Variants in POU6F2 observed in about 807,000 individuals in gnomAD.
POU6F2 encodes POU domain, class 6, transcription factor 2.
A neutral mutation model predicts 71.3 loss-of-function variants in POU6F2; 31 were observed. That is an observed-to-expected ratio of 0.43 (90% CI 0.33 to 0.59). POU6F2 has a LOEUF of 0.59. Among genes scored for constraint, POU6F2 ranks in the 20% least tolerant of loss-of-function variants. The probability of loss-of-function intolerance (pLI) is 0.04; values close to 1 mark genes in which losing one functional copy is unlikely to be tolerated. For synonymous variants in POU6F2, 347 were observed against 355.7 expected (o/e 0.98, Z 0.27); for missense variants, 783 against 856.8 (o/e 0.91, Z 1.07).
intron 5 of POU6F2, among the ~76,000 whole-genome samples, chr7:39,374,272 T>G (rs1228856835): frequency 6.6e-6 from 1 of 152,236 alleles, no homozygotes; most frequent in African/African-American, 2.4e-5. Context: ...GTACACAAGC[T>G]TGTGGCATGG....
chr7:39,415,187 C>A (rs560792085), intron 6 of POU6F2, among the ~76,000 whole-genome samples: 6 of 152,218 alleles, frequency 3.9e-5, no homozygotes, highest in African/African-American at 1.4e-4. Flanking sequence ...CCACGCCCAG[C>A]TAATTTTTGT....
chr7:39,224,351 G>T (rs527622557), intron 4 of POU6F2, among the ~76,000 whole-genome samples: 1 of 151,318 alleles, frequency 6.6e-6, no homozygotes, highest in East Asian at 1.9e-4. Flanking sequence ...AATCATTAAT[G>T]CTCTTGCATT....
At chr7:39,030,337 A>G (rs1300985522) in intron 1 of POU6F2, among the ~76,000 whole-genome samples, 1 of 150,900 alleles carries the variant, frequency 6.6e-6, no homozygotes, top group Non-Finnish European at 1.5e-5. Flanking sequence ...TCTTTTCAGT[A>G]TCTGTTATAT....
chr7:39,336,950 G>T (rs962787605), intron 4 of POU6F2, among the ~76,000 whole-genome samples: 3 of 152,156 alleles, frequency 2.0e-5, no homozygotes, highest in Non-Finnish European at 4.4e-5. Context: ...TATTTTTCCA[G>T]AATCTTCCAC....
At chr7:39,101,771 A>T (rs1222591611) in intron 2 of POU6F2, among the ~76,000 whole-genome samples, 1 of 152,168 alleles carries the variant, frequency 6.6e-6, no homozygotes, top group East Asian at 1.9e-4. Context: ...GGATGTGTTC[A>T]TTTGCTTGAT....
chr7:39,277,649 G>A lies in POU6F2; in HGVS notation c.599-61993G>A, dbSNP rs1218405566. 2.0e-5 allele frequency among the ~76,000 whole-genome samples: 3 copies of A among 146,682 alleles called. No individual in the cohort carries two copies. In the East Asian group the frequency reaches 6.2e-4, roughly 30 times the overall value. ...TGAGCGGGGAAAGACCCAGGGAAAG[G>A]GAAAACATTGGTGCTTTGGTTAACT... On this transcript the variant is annotated intron_variant, in intron 4 of 9. Transcript: ENST00000518318.
chr7:39,350,290 G>A (rs1239927000), intron 5 of POU6F2, among the ~76,000 whole-genome samples: 1 of 151,824 alleles, frequency 6.6e-6, no homozygotes, highest in African/African-American at 2.4e-5. Context: ...GTATTTTGAT[G>A]TTGTGACTGT....
At chr7:39,129,666 T>TAGAC (rs1223081478) in intron 2 of POU6F2, among the ~76,000 whole-genome samples, 1 of 148,008 alleles carries the variant, frequency 6.8e-6, no homozygotes, top group Non-Finnish European at 1.5e-5. Flanking sequence ...GATAGATAGA[T>TAGAC]AGACTGATGG....
chr7:39,042,456 A>C (rs1425269007), intron 1 of POU6F2, among the ~76,000 whole-genome samples: 1 of 151,988 alleles, frequency 6.6e-6, no homozygotes, highest in Non-Finnish European at 1.5e-5. Context: ...TGATCATGGA[A>C]GGATGTGCTG....
chr7:39,435,489 T>C (rs980369477), intron 7 of POU6F2, among the ~76,000 whole-genome samples: 4 of 152,242 alleles, frequency 2.6e-5, no homozygotes, highest in Admixed American at 2.6e-4. Flanking sequence ...GTTTTTTTCT[T>C]GTAAATTTGT....
chr7:39,304,395 G>A (rs745628713), intron 4 of POU6F2, among the ~76,000 whole-genome samples: 5 of 152,036 alleles, frequency 3.3e-5, no homozygotes, highest in Non-Finnish European at 7.4e-5. Context: ...TGAACAATTC[G>A]GTAACCTCAG....
intron 4 of POU6F2, among the ~76,000 whole-genome samples, chr7:39,263,441 A>G (rs1159607015): frequency 6.6e-6 from 1 of 152,190 alleles, no homozygotes; most frequent in Admixed American, 6.5e-5. Flanking sequence ...CTGAAGCTGT[A>G]CCTTTGGTCT....
chr7:39,251,821 A>G (rs886868013), intron 4 of POU6F2, among the ~76,000 whole-genome samples: 4 of 152,158 alleles, frequency 2.6e-5, no homozygotes, highest in African/African-American at 9.7e-5. Context: ...GCATGGGCAC[A>G]GACGTGTTGC....
chr7:39,209,255 T>A (rs1380644793), intron 4 of POU6F2, among the ~76,000 whole-genome samples: 1 of 152,176 alleles, frequency 6.6e-6, no homozygotes, highest in East Asian at 1.9e-4. Context: ...TTGAGTCACC[T>A]CTGGTTTCAG....
intron 1 of POU6F2, among the ~76,000 whole-genome samples, chr7:39,063,903 T>TAGCAA (rs1790705808): frequency 6.6e-6 from 1 of 152,056 alleles, no homozygotes; most frequent in Non-Finnish European, 1.5e-5. Context: ...ATATAACAAA[T>TAGCAA]TTAGTTAGTG....
intron 2 of POU6F2, chr7:39,120,789 A>G (rs987420531): frequency 1.3e-5 from 2 of 152,254 alleles, no homozygotes; most frequent in African/African-American, 4.8e-5. Flanking sequence ...ACAATTCAAT[A>G]TTGCTTTCTT....
intron 4 of POU6F2, among the ~76,000 whole-genome samples, chr7:39,322,644 T>A (rs1785420858): frequency 6.6e-6 from 1 of 152,208 alleles, no homozygotes; most frequent in South Asian, 2.1e-4. Flanking sequence ...AAATCCTGGA[T>A]TCTTAGGTGG....
At position 39,284,956 on chromosome 7, in the gene POU6F2, G is replaced by T. The variant is rs76708820; in HGVS notation, c.599-54686G>T. Among the ~76,000 whole-genome samples, 49 of 152,246 alleles carry T rather than the reference G, an allele frequency of 3.2e-4. 1 individual carries two copies. In the East Asian group the frequency reaches 8.5e-3, roughly 26 times the overall value. On this transcript the variant is annotated intron_variant, in intron 4 of 9. Transcript: ENST00000518318. ...CAAGGTCCGTAGGATCCACAAGAAG[G>T]CTGGAGGCTTCACTCCCCGTGGACC...
At chr7:39,241,769 A>C (rs1464758705) in intron 4 of POU6F2, among the ~76,000 whole-genome samples, 1 of 152,146 alleles carries the variant, frequency 6.6e-6, no homozygotes, top group East Asian at 1.9e-4. Context: ...ACTTTACATA[A>C]AGCAAAATCC....
Sources: gnomAD v4.1 joint callset for allele counts (sites outside exome capture counted in the v4.1 genomes callset) on GRCh38, gnomAD v4.1.1 for gene constraint, MANE v1.5 for transcripts, NCBI Gene and HGNC (gene_info 2026-07-23, HGNC 2026-07-21) for gene names.